The following PAPOLA variants were observed in gnomAD, a reference collection of about 807,000 sequenced individuals.
The protein encoded by PAPOLA is poly(A) polymerase alpha.
In PAPOLA, 15 loss-of-function variants were observed where a neutral mutation model predicts 100.6. That is an observed-to-expected ratio of 0.15 (90% confidence interval 0.10 to 0.23). PAPOLA has a LOEUF of 0.23. PAPOLA is among the 10% of genes least tolerant of loss of function. The pLI is 1.00. For missense variants in PAPOLA, 533 were observed against 884.2 expected (o/e 0.60, Z 5.04); for synonymous variants, 293 against 300.0 (o/e 0.98, Z 0.24).
chr14:96,537,819 A>T (rs1373815834), intron 12 of PAPOLA: 2 of 151,700 alleles, frequency 1.3e-5, no homozygotes, highest in Admixed American at 1.3e-4. Flanking sequence ...TGACCATTTG[A>T]TCTTGTGTTG....
In PAPOLA at chr14:96,525,325, G is replaced by A. The variant is rs1180492774; in HGVS notation, c.265G>A (p.Val89Ile). Residue 89 changes from valine (V) to isoleucine (I), a missense_variant, in exon 4 of 22, where the codon GTA (valine) becomes ATA (isoleucine). Transcript: ENST00000216277. ...GTTTCAACAGAATCTTCCACAATCT[G>A]TAATTGAAAATGTTGGAGGAAAAAT... ...ISESKNLPQS[V>I]IENVGGKIFT... The A allele has an allele frequency of 4.0e-6, 6 of 1,508,366 alleles. No individual in the cohort carries two copies. The highest frequency in any genetic ancestry group is 2.7e-6 in the Non-Finnish European group (3 of 1,092,872). The allele number at this position is 1,508,366 out of a possible 1,614,324, so 93.4% of individuals were successfully genotyped here.
At chr14:96,517,929 T>C (rs1012180637) in intron 1 of PAPOLA, among the ~76,000 whole-genome samples, 2 of 152,154 alleles carry the variant, frequency 1.3e-5, no homozygotes, top group African/African-American at 4.8e-5. Flanking sequence ...TTTGAACTCC[T>C]GGCCTCAAAT....
At chr14:96,558,022 A>T (rs940534783) in intron 19 of PAPOLA, among the ~76,000 whole-genome samples, 1 of 152,176 alleles carries the variant, frequency 6.6e-6, no homozygotes, top group African/African-American at 2.4e-5. Flanking sequence ...TTCCACAGAT[A>T]TGGAGGGCCC....
In PAPOLA at chr14:96,555,861, C is replaced by T; in HGVS notation, c.1679C>T (p.Ala560Val). The change falls in exon 18 of 22, where the codon GCT becomes GTT. Residue 560 changes from alanine (A) to valine (V), a missense_variant. Physicochemically the swap from Ala to Val is moderately conservative, Grantham distance 64 (BLOSUM62 0). Transcript: ENST00000216277. ...TTTTTTTTTAGCAGAAACAGTCCTGCTCCAGCTGTAACAGCAGCATCTGTG... is the reference window on the plus strand; with the variant it reads ...TTTTTTTTTAGCAGAAACAGTCCTGTTCCAGCTGTAACAGCAGCATCTGTG... ...SGSSQGRNSP[A>V]PAVTAASVTN... is the part of the protein sequence containing the mutation. 6.3e-7 allele frequency: 1 copy of T among 1,591,564 alleles called. No homozygotes were observed. The highest frequency in any genetic ancestry group is 1.1e-5 in the South Asian group (1 of 89,226).
Position 96,559,596 on chromosome 14 carries a change from T to TATATATAC in PAPOLA, c.2005-1052_2005-1051insTATATACA, listed in dbSNP as rs1426338442. ...CTCTCTCTCTCTATATATATATATA[T>TATATATAC]ACACACACACATATATATATGTATA... On this transcript the variant is annotated intron_variant, in intron 19 of 21. Transcript: ENST00000216277. Among the ~76,000 whole-genome samples, 158 of 145,516 alleles carry TATATATAC rather than the reference T, an allele frequency of 1.1e-3. No individual in the cohort carries two copies. In the South Asian group the frequency reaches 0.014, roughly 12 times the overall value.
intron 19 of PAPOLA, 185 bp from the exon 20 acceptor site, chr14:96,560,464 T>C: frequency 2.0e-6 from 1 of 506,282 alleles, no homozygotes; most frequent in South Asian, 3.2e-5. Context: ...TTTTATTAGC[T>C]ACTGAAGCCA....
At chr14:96,561,417 C>A (rs1233335852) in intron 20 of PAPOLA, among the ~76,000 whole-genome samples, 1 of 152,146 alleles carries the variant, frequency 6.6e-6, no homozygotes, top group Admixed American at 6.5e-5. Context: ...TGTGTGCCCT[C>A]ATAATGCCCT....
intron 3 of PAPOLA, among the ~76,000 whole-genome samples, chr14:96,521,597 C>A (rs1393455533): frequency 1.3e-5 from 2 of 151,988 alleles, no homozygotes; most frequent in Non-Finnish European, 2.9e-5. Flanking sequence ...TCAAGCAGTC[C>A]TCCTGGCCTC....
intron 9 of PAPOLA, chr14:96,534,166 GATTT>G (rs1386134187): frequency 8.3e-6 from 9 of 1,080,090 alleles, no homozygotes; most frequent in African/African-American, 3.3e-5. Flanking sequence ...TTTCAGTGGA[GATTT>G]ATTCTGTTCA....
At chr14:96,525,768 ATAAAT>A (rs1898410475) in intron 4 of PAPOLA, among the ~76,000 whole-genome samples, 1 of 152,284 alleles carries the variant, frequency 6.6e-6, no homozygotes, top group South Asian at 2.1e-4. Flanking sequence ...AAGTAAATAA[ATAAAT>A]TAAAAACTCA....
chr14:96,542,738 A>G (rs1900093675), intron 13 of PAPOLA, 36 bp from the exon 14 acceptor site: 1 of 1,569,892 alleles, frequency 6.4e-7, no homozygotes. Flanking sequence ...TAAGTTAACC[A>G]AAACTTTTTG....
In PAPOLA at chr14:96,560,677, T is replaced by G. The variant is rs902853892; in HGVS notation, c.2033T>G (p.Leu678Arg). 6.2e-7 allele frequency: 1 copy of G among 1,608,810 alleles called. No homozygotes were observed. The highest frequency in any genetic ancestry group is 8.5e-7 in the Non-Finnish European group (1 of 1,176,146). Residue 678 changes from leucine (L) to arginine (R), a missense_variant, in exon 20 of 22, where the codon CTT becomes CGT. By Grantham distance (102) the Leu-to-Arg change is moderately radical. Coordinates refer to ENST00000216277, the MANE Select transcript of PAPOLA (RefSeq NM_032632.5). ...GAAACAAGTGAAGATGCTAACTGTC[T>G]TGCTTTGAGTGGACATGATAAAACA... is the stretch of plus-strand genomic sequence containing the variant. ...EDETSEDANC[L>R]ALSGHDKTEA...
chr14:96,556,039 A>G lies in PAPOLA; in HGVS notation c.1765+92A>G, dbSNP rs1901294560. 7 of 1,173,718 alleles carry G rather than the reference A, an allele frequency of 6.0e-6. No individual in the cohort carries two copies. In the Admixed American group the frequency reaches 1.4e-4, roughly 23 times the overall value. 72.7% of individuals were successfully genotyped at this position (1,173,718 alleles called of 1,614,324 possible). A position where few individuals can be genotyped will look rare whatever the true frequency, so the allele number is the denominator to read the frequency against. On this transcript the variant is annotated intron_variant, in intron 18 of 21. Transcript: ENST00000216277. ...AAAGTGGGTTTGTTAAGTAGTTGAAATTCAGTTTTTTAAATGCCAGTTTAT... is the reference window on the plus strand; with the variant it reads ...AAAGTGGGTTTGTTAAGTAGTTGAAGTTCAGTTTTTTAAATGCCAGTTTAT...
intron 15 of PAPOLA, among the ~76,000 whole-genome samples, chr14:96,545,470 G>A (rs1041408109): frequency 1.3e-5 from 2 of 151,974 alleles, no homozygotes; most frequent in African/African-American, 4.8e-5. Context: ...AGTGAAAGTT[G>A]CAAATAAAAA....
In PAPOLA at chr14:96,502,453, C is replaced by T. The variant is rs772292836; in HGVS notation, c.-140C>T. The stretch of plus-strand genomic sequence containing the variant: ...GAAGGAGGAGAAGCGCTTAAAGCGG[C>T]GGGAGCGGTGCGGGAGAGGGGTTGG... On this transcript the variant is annotated 5_prime_UTR_variant, in exon 1 of 22. Transcript: ENST00000216277. 1.4e-6 allele frequency: 1 copy of T among 711,760 alleles called. No homozygotes were observed. Among genetic ancestry groups the T allele is most frequent in the Non-Finnish European group, 2.5e-6 (1 of 399,096 alleles). The allele number at this position is 711,760 out of a possible 1,614,324, so 44.1% of individuals were successfully genotyped here. A position where few individuals can be genotyped will look rare whatever the true frequency, so the allele number is the denominator to read the frequency against.
chr14:96,552,732 C>A, intron 17 of PAPOLA, 110 bp downstream of exon 17: 1 of 1,053,476 alleles, frequency 9.5e-7, no homozygotes, highest in Non-Finnish European at 1.3e-6. Flanking sequence ...TTCATTCCAT[C>A]TACTAATTTT....
intron 2 of PAPOLA, 110 bp downstream of exon 2, chr14:96,520,338 A>T (rs1392930159): frequency 5.2e-6 from 4 of 775,650 alleles, no homozygotes; most frequent in Non-Finnish European, 6.1e-6. Flanking sequence ...ATTTGCCCAG[A>T]TCTATATATC....
Position 96,560,743 on chromosome 14 carries a change from CAATT to C in PAPOLA, c.2067+35_2067+38del, listed in dbSNP as rs1218399448. On this transcript the variant is annotated intron_variant, in intron 20 of 21. Coordinates refer to ENST00000216277, the MANE Select transcript of PAPOLA (RefSeq NM_032632.5). The stretch of plus-strand genomic sequence containing the variant: ...TAATTTAGCCTTTAGAATACATACA[CAATT>C]AAGAGTACAGAAGATGTAATAGAAA... 8.9e-6 allele frequency: 11 copies of C among 1,241,746 alleles called. No individual in the cohort carries two copies. The Admixed American group carries it at 1.5e-4, about 17-fold the overall frequency. The allele number at this position is 1,241,746 out of a possible 1,614,324, so 76.9% of individuals were successfully genotyped here. A position where few individuals can be genotyped will look rare whatever the true frequency, so the allele number is the denominator to read the frequency against.
intron 3 of PAPOLA, among the ~76,000 whole-genome samples, chr14:96,523,934 A>C (rs1898237509): frequency 6.7e-6 from 1 of 148,694 alleles, no homozygotes; most frequent in African/African-American, 2.5e-5. Flanking sequence ...ACAGAGCGAG[A>C]CTCTGTCTCA....
Sources: gnomAD v4.1 joint callset for allele counts (sites outside exome capture counted in the v4.1 genomes callset) on GRCh38, gnomAD v4.1.1 for gene constraint, MANE v1.5 for transcripts, NCBI Gene and HGNC (gene_info 2026-07-23, HGNC 2026-07-21) for gene names.